The following CNTN4 variants were observed in gnomAD, a reference collection of about 807,000 sequenced individuals.
The protein encoded by CNTN4 is contactin 4, also known as contactin-4.
A neutral mutation model predicts 122.5 loss-of-function variants in CNTN4; 77 were observed. The observed-to-expected ratio is 0.63, with a 90% CI of 0.52 to 0.76. The LOEUF is 0.76. Among genes scored for constraint, CNTN4 ranks in the 30% least tolerant of loss-of-function variants. CNTN4 has a pLI of 0.00. For missense variants in CNTN4, 1,256 were observed against 1,259.1 expected (o/e 1.00, Z 0.04); for synonymous variants, 512 against 447.0 (o/e 1.15, Z -1.83).
chr3:2,851,064 A>C (rs963597598), intron 7 of CNTN4, among the ~76,000 whole-genome samples: 2 of 152,226 alleles, frequency 1.3e-5, no homozygotes, highest in Admixed American at 1.3e-4. Context: ...AGGTGGGTAC[A>C]ATGTATTTGT....
chr3:2,371,025 A>C (rs2045612221), intron 3 of CNTN4, among the ~76,000 whole-genome samples: 1 of 152,218 alleles, frequency 6.6e-6, no homozygotes, highest in Non-Finnish European at 1.5e-5. Flanking sequence ...AGTGAGAATT[A>C]CAATGTGAAG....
At chr3:2,345,532 A>G (rs1053748396) in intron 3 of CNTN4, among the ~76,000 whole-genome samples, 7 of 152,202 alleles carry the variant, frequency 4.6e-5, no homozygotes, top group Admixed American at 1.3e-4. Context: ...TATCAGGAGC[A>G]TGGGTGTCAT....
intron 13 of CNTN4, among the ~76,000 whole-genome samples, chr3:2,983,316 T>C (rs2125232892): frequency 7.0e-6 from 1 of 142,516 alleles, no homozygotes; most frequent in Admixed American, 7.2e-5. Flanking sequence ...GGGTTCAATA[T>C]ATCATCCCCC....
At chr3:2,512,348 T>A (rs2076911892) in intron 3 of CNTN4, among the ~76,000 whole-genome samples, 1 of 152,160 alleles carries the variant, frequency 6.6e-6, no homozygotes, top group Admixed American at 6.6e-5. Context: ...TCTTAAGAAG[T>A]AATGTGAATT....
At chr3:2,242,228 T>C (rs1168650947) in intron 2 of CNTN4, among the ~76,000 whole-genome samples, 1 of 152,144 alleles carries the variant, frequency 6.6e-6, no homozygotes, top group Admixed American at 6.6e-5. Flanking sequence ...GTATATTTAA[T>C]ATTAATATAA....
At chr3:2,749,779 T>C (rs1302208593) in intron 6 of CNTN4, among the ~76,000 whole-genome samples, 3 of 152,212 alleles carry the variant, frequency 2.0e-5, no homozygotes, top group African/African-American at 7.2e-5. Context: ...CTAGATGTTT[T>C]TCCCTATCTT....
At chr3:2,551,838 G>T (rs1056529539) in intron 3 of CNTN4, among the ~76,000 whole-genome samples, 1 of 151,944 alleles carries the variant, frequency 6.6e-6, no homozygotes, top group Non-Finnish European at 1.5e-5. Context: ...GCTTTTTAAA[G>T]GTTTTTTTCT....
At chr3:2,573,513 A>G (rs372983347) in intron 4 of CNTN4, among the ~76,000 whole-genome samples, 2 of 152,336 alleles carry the variant, frequency 1.3e-5, no homozygotes, top group Admixed American at 6.5e-5. Context: ...TGACTCTGGT[A>G]TAAACGTACT....
chr3:2,538,742 A>G (rs554511352), intron 3 of CNTN4, among the ~76,000 whole-genome samples: 1 of 151,994 alleles, frequency 6.6e-6, no homozygotes, highest in Admixed American at 6.6e-5. Flanking sequence ...TAACAAAGAA[A>G]TAAAATATAA....
chr3:2,177,133 A>C (rs1243420913), intron 2 of CNTN4, among the ~76,000 whole-genome samples: 1 of 152,156 alleles, frequency 6.6e-6, no homozygotes, highest in Non-Finnish European at 1.5e-5. Flanking sequence ...TGTATCCATT[A>C]AGGAATCATG....
At chr3:2,606,794 T>C (rs1387299108) in intron 4 of CNTN4, among the ~76,000 whole-genome samples, 1 of 152,244 alleles carries the variant, frequency 6.6e-6, no homozygotes, top group East Asian at 1.9e-4. Context: ...ATGGTCCATT[T>C]CAGTGAAAGT....
At chr3:2,530,592 G>A (rs981177144) in intron 3 of CNTN4, among the ~76,000 whole-genome samples, 6 of 152,106 alleles carry the variant, frequency 3.9e-5, no homozygotes, top group Admixed American at 3.3e-4. Flanking sequence ...ACAAGCGTAA[G>A]CCACCGCACC....
At chr3:2,333,264 T>A (rs2043812190) in intron 2 of CNTN4, among the ~76,000 whole-genome samples, 1 of 152,196 alleles carries the variant, frequency 6.6e-6, no homozygotes, top group South Asian at 2.1e-4. Context: ...AAATTAGACT[T>A]CCAGAAACAT....
chr3:3,039,075 A>G (rs1408460788), intron 19 of CNTN4, 72 bp downstream of exon 19: 5 of 1,341,708 alleles, frequency 3.7e-6, no homozygotes, highest in Non-Finnish European at 5.3e-6. Context: ...CATGTTAGAC[A>G]TAGCTGGGAA....
At chr3:2,854,418 G>A (rs184541148) in intron 7 of CNTN4, among the ~76,000 whole-genome samples, 1,870 of 142,902 alleles carry the variant, frequency 0.013, 51 homozygotes, top group African/African-American at 0.046. Context: ...GATTACAGGC[G>A]CCTGCCACCA....
intron 3 of CNTN4, among the ~76,000 whole-genome samples, chr3:2,460,814 A>G (rs1005668933): frequency 8.5e-5 from 13 of 152,200 alleles, no homozygotes; most frequent in Non-Finnish European, 1.8e-4. Flanking sequence ...TAAATTTGTT[A>G]GTCAATAAAT....
chr3:2,176,354 C>G (rs2036748333), intron 2 of CNTN4, among the ~76,000 whole-genome samples: 2 of 151,892 alleles, frequency 1.3e-5, no homozygotes, highest in Admixed American at 1.3e-4. Flanking sequence ...ATATATATAC[C>G]ACTTAGTGAG....
chr3:2,519,244 G>A (rs2077128679), intron 3 of CNTN4, among the ~76,000 whole-genome samples: 1 of 152,158 alleles, frequency 6.6e-6, no homozygotes. Context: ...TTCTGATAAG[G>A]GCTCTTCTGC....
At chr3:2,980,135 C>A (rs1374626564) in intron 13 of CNTN4, among the ~76,000 whole-genome samples, 1 of 152,198 alleles carries the variant, frequency 6.6e-6, no homozygotes, top group Non-Finnish European at 1.5e-5. Flanking sequence ...CAATTTATCT[C>A]CTGAGTCCAG....
Sources: allele counts gnomAD v4.1 joint callset (sites outside exome capture counted in the v4.1 genomes callset), GRCh38; gene constraint gnomAD v4.1.1; transcripts MANE v1.5; gene names NCBI Gene and HGNC (gene_info 2026-07-23, HGNC 2026-07-21).